The following PATJ variants were observed in gnomAD, a reference collection of about 807,000 sequenced individuals.
The protein encoded by PATJ is PATJ crumbs cell polarity complex component, also known as inaD-like protein.
In PATJ, 190 loss-of-function variants were observed where a neutral mutation model predicts 224.9. The observed-to-expected ratio is 0.84, with a 90% CI of 0.75 to 0.95. PATJ has a LOEUF of 0.95. PATJ is among the 40% of genes least tolerant of loss of function. The pLI is 0.00. For missense variants in PATJ, 2,121 were observed against 2,270.3 expected (o/e 0.93, Z 1.34); for synonymous variants, 769 against 820.3 (o/e 0.94, Z 1.07).
At chr1:61,877,907 T>C (rs1354049242) in intron 21 of PATJ, among the ~76,000 whole-genome samples, 1 of 152,162 alleles carries the variant, frequency 6.6e-6, no homozygotes, top group Non-Finnish European at 1.5e-5. Flanking sequence ...ACTCAATCTT[T>C]TTCATGGGCT....
intron 25 of PATJ, among the ~76,000 whole-genome samples, chr1:61,908,868 T>C (rs2149203228): frequency 6.6e-6 from 1 of 152,362 alleles, no homozygotes; most frequent in African/African-American, 2.4e-5. Flanking sequence ...ACATGTTGTG[T>C]ATATTTATTA....
At chr1:61,839,857 A>G (rs1244028869) in intron 17 of PATJ, among the ~76,000 whole-genome samples, 2 of 152,004 alleles carry the variant, frequency 1.3e-5, no homozygotes, top group Non-Finnish European at 2.9e-5. Flanking sequence ...TTGAAACACT[A>G]TTTTTATCTC....
intron 29 of PATJ, among the ~76,000 whole-genome samples, chr1:62,032,193 T>C (rs1649451536): frequency 6.6e-6 from 1 of 152,110 alleles, no homozygotes; most frequent in Non-Finnish European, 1.5e-5. Context: ...AGGCTTATTC[T>C]CTATTTTCTT....
chr1:62,070,832 C>T (rs536674958), intron 31 of PATJ, among the ~76,000 whole-genome samples: 1 of 152,240 alleles, frequency 6.6e-6, no homozygotes, highest in South Asian at 2.1e-4. Context: ...ATCCAGGAGA[C>T]CTAGGCTCCA....
intron 43 of PATJ, among the ~76,000 whole-genome samples, chr1:62,157,910 G>C (rs1252931613): frequency 1.4e-5 from 2 of 145,376 alleles, no homozygotes; most frequent in Non-Finnish European, 3.0e-5. Flanking sequence ...GTTACCCTAA[G>C]CCAATAAGAG....
chr1:62,065,069 C>T (rs1656185335), intron 31 of PATJ, among the ~76,000 whole-genome samples: 1 of 152,096 alleles, frequency 6.6e-6, no homozygotes, highest in African/African-American at 2.4e-5. Context: ...CTCTTGTATT[C>T]CTGAAAACCA....
Position 61,823,044 on chromosome 1 carries a change from T to C in PATJ, c.1783T>C (p.Leu595=). The C allele has an allele frequency of 1.9e-6, 3 of 1,614,164 alleles. No homozygotes were observed. Among genetic ancestry groups the C allele is most frequent in the Non-Finnish European group, 2.5e-6 (3 of 1,179,996 alleles). ...SIVSGGPVDT[L]GLLQPEDELL... is the part of the protein sequence containing the mutation. ...TGTTTCTGGTGGTCCTGTTGATACA[T>C]TGGGTCTCCTACAGCCAGAAGATGA... Residue 595 remains leucine, a synonymous_variant, in exon 15 of 44, where the codon TTG becomes CTG. Coordinates refer to ENST00000642238, the MANE Select transcript of PATJ (RefSeq NM_001350145.3).
At chr1:62,065,240 A>G (rs772530025) in intron 31 of PATJ, among the ~76,000 whole-genome samples, 1 of 152,196 alleles carries the variant, frequency 6.6e-6, no homozygotes, top group Non-Finnish European at 1.5e-5. Context: ...GATAATGTAG[A>G]GACACCAGGG....
chr1:61,958,016 A>C (rs141002073), intron 27 of PATJ, among the ~76,000 whole-genome samples: 71 of 152,350 alleles, frequency 4.7e-4, no homozygotes, highest in African/African-American at 1.5e-3. Context: ...TTAAGTATTT[A>C]ATACATTGCT....
chr1:61,969,800 T>G (rs1682688145), intron 27 of PATJ, among the ~76,000 whole-genome samples: 1 of 152,046 alleles, frequency 6.6e-6, no homozygotes, highest in South Asian at 2.1e-4. Flanking sequence ...TTCAAGTGAT[T>G]CTCGTGCCTC....
chr1:61,848,217 G>A (rs910423966), intron 17 of PATJ, among the ~76,000 whole-genome samples: 12 of 152,158 alleles, frequency 7.9e-5, no homozygotes, highest in African/African-American at 2.4e-4. Context: ...GAAGACACTC[G>A]TGAAACTCTA....
chr1:61,787,328 C>T (rs555727706), intron 7 of PATJ, among the ~76,000 whole-genome samples: 12 of 152,274 alleles, frequency 7.9e-5, no homozygotes, highest in Middle Eastern at 3.4e-3. Flanking sequence ...TTCTTGTAGC[C>T]GCACTGGCAT....
intron 27 of PATJ, among the ~76,000 whole-genome samples, chr1:61,970,909 G>C (rs1381269796): frequency 6.6e-6 from 1 of 152,112 alleles, no homozygotes; most frequent in East Asian, 1.9e-4. Context: ...TTGTCACCTG[G>C]TCTAATACTC....
intron 27 of PATJ, among the ~76,000 whole-genome samples, chr1:61,931,764 A>G (rs1676060171): frequency 6.6e-6 from 1 of 152,180 alleles, no homozygotes; most frequent in Admixed American, 6.5e-5. Flanking sequence ...ACTCTGTCTC[A>G]AAAATGAAAC....
chr1:61,822,349 G>A (rs1187104212), intron 14 of PATJ, among the ~76,000 whole-genome samples: 1 of 151,644 alleles, frequency 6.6e-6, no homozygotes, highest in Non-Finnish European at 1.5e-5. Flanking sequence ...TTGAACCCGG[G>A]AGGTGAAGGT....
intron 37 of PATJ, among the ~76,000 whole-genome samples, chr1:62,120,493 C>A (rs553483791): frequency 1.3e-5 from 2 of 152,272 alleles, no homozygotes; most frequent in South Asian, 4.1e-4. Context: ...AAAGGCCCTT[C>A]ACTATGTATA....
intron 21 of PATJ, among the ~76,000 whole-genome samples, chr1:61,882,649 G>C (rs943487446): frequency 6.6e-6 from 1 of 152,084 alleles, no homozygotes; most frequent in Non-Finnish European, 1.5e-5. Flanking sequence ...GTACAGTGGT[G>C]ACATCACTCC....
chr1:62,127,751 G>T (rs927173415), intron 39 of PATJ, among the ~76,000 whole-genome samples: 1 of 152,036 alleles, frequency 6.6e-6, no homozygotes. Context: ...AAGTTGCAGT[G>T]ACCTGAGATC....
chr1:61,948,307 C>T (rs145944339), intron 27 of PATJ, among the ~76,000 whole-genome samples: 2,722 of 152,282 alleles, frequency 0.018, 40 homozygotes, highest in Non-Finnish European at 0.029. Flanking sequence ...TTTTTACAAT[C>T]TATCCATCTG....
Sources: gnomAD v4.1 joint callset for allele counts (sites outside exome capture counted in the v4.1 genomes callset) on GRCh38, gnomAD v4.1.1 for gene constraint, MANE v1.5 for transcripts, NCBI Gene and HGNC (gene_info 2026-07-23, HGNC 2026-07-21) for gene names.